DENND1B: variants seen among roughly 807,000 people sequenced by gnomAD.
The protein encoded by DENND1B is DENN domain containing 1B, also known as DENN domain-containing protein 1B.
Under a neutral mutation model 90.1 loss-of-function variants are expected in DENND1B, and 59 were observed. That is an observed-to-expected ratio of 0.65 (90% CI 0.53 to 0.81). The LOEUF (loss-of-function observed/expected upper bound fraction) is 0.81. DENND1B is among the 40% of genes least tolerant of loss of function. The pLI is 0.00. For synonymous variants in DENND1B, 337 were observed against 324.6 expected (o/e 1.04, Z -0.41); for missense variants, 862 against 912.6 (o/e 0.94, Z 0.71).
At chr1:197,777,117 G>C (rs1324899429), upstream of DENND1B, among the ~76,000 whole-genome samples, 1 of 151,688 alleles carries the variant, frequency 6.6e-6, no homozygotes, top group Non-Finnish European at 1.5e-5. Flanking sequence ...AAATTCGTAA[G>C]CTAAAAGCCA....
intron 14 of DENND1B, among the ~76,000 whole-genome samples, chr1:197,585,924 C>G (rs1674654952): frequency 6.6e-6 from 1 of 152,136 alleles, no homozygotes; most frequent in Admixed American, 6.5e-5. Context: ...GAGAAGAATT[C>G]TGCCTATGAT....
At position 197,760,599 on chromosome 1, in the gene DENND1B, G is replaced by A. The variant is rs556058717; in HGVS notation, c.82+12269C>T. On this transcript the variant is annotated intron_variant, in intron 2 of 22. Transcript: ENST00000620048. Reference sequence around the variant, plus strand: ...GGAAGTTGCAGTGAGCCAAGATCACGTCACTGCACTTCAGCCTGGGCAACA... The same window carrying A: ...GGAAGTTGCAGTGAGCCAAGATCACATCACTGCACTTCAGCCTGGGCAACA... 1.8e-4 allele frequency among the ~76,000 whole-genome samples: 26 copies of A among 148,342 alleles called. 1 individual carries two copies. In the South Asian group the frequency reaches 5.6e-3, roughly 32 times the overall value.
chr1:197,678,964 A>C lies in DENND1B; in HGVS notation c.127-4795T>G, dbSNP rs78375886. Among the ~76,000 whole-genome samples the C allele has an allele frequency of 5.8e-3, 882 of 152,240 alleles. 9 individuals carry two copies. The highest frequency in any genetic ancestry group is 0.02 in the African/African-American group (815 of 41,564). ...TTACGTAGTGTTTTTGTTAGAAATA[A>C]ATCCCTATTTTACCCCTCCTCCTTA... On this transcript the variant is annotated intron_variant, in intron 3 of 22. Coordinates refer to ENST00000620048, the MANE Select transcript of DENND1B (RefSeq NM_001195215.2).
chr1:197,554,213 T>C (rs1213770074), intron 15 of DENND1B, among the ~76,000 whole-genome samples: 9 of 151,914 alleles, frequency 5.9e-5, no homozygotes, highest in Non-Finnish European at 4.4e-5. Flanking sequence ...ATTTGATATG[T>C]TGTGGTTTAC....
At chr1:197,703,419 T>G (rs1315864317) in intron 3 of DENND1B, among the ~76,000 whole-genome samples, 1 of 152,162 alleles carries the variant, frequency 6.6e-6, no homozygotes, top group Non-Finnish European at 1.5e-5. Context: ...ACTATTGAAA[T>G]GTATTATATT....
At chr1:197,606,927 T>C in intron 13 of DENND1B, 146 bp downstream of exon 13, 2 of 620,202 alleles carry the variant, frequency 3.2e-6, no homozygotes, top group Non-Finnish European at 2.8e-6. Flanking sequence ...AAATATTAAA[T>C]ATAGAATCAA....
chr1:197,665,338 G>A (rs1654836593), intron 5 of DENND1B, among the ~76,000 whole-genome samples: 1 of 152,122 alleles, frequency 6.6e-6, no homozygotes, highest in Non-Finnish European at 1.5e-5. Flanking sequence ...GTAATTTCAA[G>A]TCCTATAATA....
chr1:197,691,295 C>T (rs1657852151), intron 3 of DENND1B, among the ~76,000 whole-genome samples: 1 of 148,392 alleles, frequency 6.7e-6, no homozygotes, highest in Admixed American at 6.7e-5. Flanking sequence ...AAAAATTGAT[C>T]AAAGGACTTA....
intron 3 of DENND1B, among the ~76,000 whole-genome samples, chr1:197,683,580 G>A (rs1174597689): frequency 6.6e-6 from 1 of 152,114 alleles, no homozygotes. Flanking sequence ...TCCACAGAGA[G>A]AACCTGGTCT....
In DENND1B at chr1:197,714,919, A is replaced by C; in HGVS notation, c.126+112T>G. ...GTCTCACAGTTGATCAAGAGAAAAT[A>C]ATTTTAGCAATCCATGTTCACTAGT... On this transcript the variant is annotated intron_variant, in intron 3 of 22. Coordinates refer to ENST00000620048, the MANE Select transcript of DENND1B (RefSeq NM_001195215.2). The C allele has an allele frequency of 3.9e-6, 3 of 777,324 alleles. No homozygotes were observed. The South Asian group carries it at 4.9e-5, about 13-fold the overall frequency. The allele number at this position is 777,324 out of a possible 1,614,324, so 48.2% of individuals were successfully genotyped here.
intron 3 of DENND1B, among the ~76,000 whole-genome samples, chr1:197,691,889 A>G (rs1206503805): frequency 2.0e-5 from 3 of 151,952 alleles, no homozygotes; most frequent in Non-Finnish European, 4.4e-5. Flanking sequence ...GATTCCACTT[A>G]AATGAGACAT....
chr1:197,677,123 G>A (rs932210487), intron 3 of DENND1B, among the ~76,000 whole-genome samples: 1 of 151,958 alleles, frequency 6.6e-6, no homozygotes, highest in Non-Finnish European at 1.5e-5. Context: ...TGTCATTGTC[G>A]ATACCACTAA....
chr1:197,668,588 C>G (rs977517783), intron 5 of DENND1B, among the ~76,000 whole-genome samples: 1 of 151,296 alleles, frequency 6.6e-6, no homozygotes. Flanking sequence ...CAACCCCTTC[C>G]CTTCTCTCCC....
intron 2 of DENND1B, among the ~76,000 whole-genome samples, chr1:197,756,316 T>G (rs1005501568): frequency 2.0e-5 from 3 of 152,180 alleles, no homozygotes; most frequent in African/African-American, 7.2e-5. Flanking sequence ...GGCTCAGGCC[T>G]GTAATCCCAG....
intron 2 of DENND1B, among the ~76,000 whole-genome samples, chr1:197,749,130 A>ATG: frequency 6.6e-6 from 1 of 152,246 alleles, no homozygotes; most frequent in South Asian, 2.1e-4. Flanking sequence ...AGAAAAATAA[A>ATG]ACAGAGTCCC....
At chr1:197,726,665 C>T (rs1169021135) in intron 2 of DENND1B, among the ~76,000 whole-genome samples, 7 of 152,124 alleles carry the variant, frequency 4.6e-5, no homozygotes, top group Non-Finnish European at 8.8e-5. Flanking sequence ...AGCAATTCCT[C>T]AGTACTTATG....
chr1:197,776,056 C>G (rs907248406), upstream of DENND1B, among the ~76,000 whole-genome samples: 3 of 152,192 alleles, frequency 2.0e-5, no homozygotes, highest in Admixed American at 1.3e-4. Context: ...CATTCCTATA[C>G]CACAGACTGC....
At chr1:197,641,721 T>C (rs1359845305) in intron 10 of DENND1B, among the ~76,000 whole-genome samples, 2 of 152,150 alleles carry the variant, frequency 1.3e-5, no homozygotes, top group East Asian at 3.8e-4. Context: ...ATTATCTGTC[T>C]CTAACTAGCT....
intron 10 of DENND1B, among the ~76,000 whole-genome samples, chr1:197,620,919 G>GGTTTCTTT: frequency 1.3e-5 from 2 of 151,340 alleles, no homozygotes; most frequent in Non-Finnish European, 3.0e-5. Context: ...AGCTATTTTA[G>GGTTTCTTT]ATAGGAGGAT....
Sources: allele counts gnomAD v4.1 joint callset (sites outside exome capture counted in the v4.1 genomes callset), GRCh38; gene constraint gnomAD v4.1.1; transcripts MANE v1.5; gene names NCBI Gene and HGNC (gene_info 2026-07-23, HGNC 2026-07-21).